Variants in DDX60L observed in about 807,000 individuals in gnomAD.
DDX60L encodes the protein DExD/H-box 60 like, also known as probable ATP-dependent RNA helicase DDX60-like.
DDX60L carries 191 observed loss-of-function variants against 211.6 expected under a neutral mutation model. The ratio of observed to expected loss-of-function variants is 0.90; its 90% CI spans 0.80 to 1.02. The LOEUF is 1.02. Ranked by LOEUF, DDX60L falls within the 50% of genes least tolerant of loss-of-function variation. DDX60L has a pLI of 0.00. For missense variants in DDX60L, 2,007 were observed against 1,984.1 expected, an observed-to-expected ratio of 1.01 and a Z score of -0.22; for synonymous variants, 706 against 694.1, an observed-to-expected ratio of 1.02 and a Z score of -0.27.
At chr4:168,449,539 G>C (rs536243570) in intron 8 of DDX60L, among the ~76,000 whole-genome samples, 145 of 129,498 alleles carry the variant, frequency 1.1e-3, no homozygotes, top group African/African-American at 4.4e-3. Flanking sequence ...TGGGTGCAGC[G>C]CACCAGCATG....
chr4:168,372,861 G>C (rs958571620), intron 35 of DDX60L, among the ~76,000 whole-genome samples: 2 of 152,110 alleles, frequency 1.3e-5, no homozygotes, highest in Non-Finnish European at 2.9e-5. Context: ...GATCATCTGT[G>C]TTCTTTTCTA....
At chr4:168,432,960 A>T in intron 11 of DDX60L, 50 bp downstream of exon 11, 1 of 1,144,366 alleles carries the variant, frequency 8.7e-7, no homozygotes, top group African/African-American at 1.5e-5. Flanking sequence ...TCACTTCACT[A>T]GTATTTTCAA....
At chr4:168,440,739 C>T (rs972812545) in intron 10 of DDX60L, among the ~76,000 whole-genome samples, 2 of 152,174 alleles carry the variant, frequency 1.3e-5, no homozygotes, top group Admixed American at 1.3e-4. Context: ...CTCATTAGTT[C>T]CTCCTTCATA....
At position 168,371,668 on chromosome 4, in the gene DDX60L, T is replaced by A. The variant is rs753995753; in HGVS notation, c.4872A>T (p.Ala1624=). Residue 1624 remains alanine, a synonymous_variant, in exon 36 of 38, where the codon GCA becomes GCT. Transcript: ENST00000682922. ...DNRGRRMPLN[A]YVLNFYKHNC... ...TGTGTTTATAGAAATTGAGCACATA[T>A]GCATTTAGTGGCATTCTCCTTCCTC... is the stretch of plus-strand genomic sequence containing the variant. 3 of 1,600,466 alleles carry A rather than the reference T, an allele frequency of 1.9e-6. No homozygotes were observed. Among genetic ancestry groups the A allele is most frequent in the East Asian group, 4.5e-5 (2 of 44,276 alleles).
At chr4:168,432,236 T>C (rs1054634496) in intron 12 of DDX60L, among the ~76,000 whole-genome samples, 21 of 147,410 alleles carry the variant, frequency 1.4e-4, no homozygotes, top group Non-Finnish European at 2.7e-4. Context: ...AATATATATA[T>C]ATATATTGTG....
intron 36 of DDX60L, among the ~76,000 whole-genome samples, chr4:168,363,809 C>T (rs10005156): frequency 0.091 from 13,892 of 152,120 alleles, 1,999 homozygotes; most frequent in African/African-American, 0.31. Flanking sequence ...ATCTACAAAA[C>T]GACCAGAAAA....
rs201114767 is a variant in DDX60L, at chr4:168,400,999, T to C, written c.3339-21A>G. On this transcript the variant is annotated intron_variant, in intron 25 of 37. Coordinates refer to ENST00000682922, the MANE Select transcript of DDX60L (RefSeq NM_001012967.3). ...TAAACCTTAAAACAAATGAAAACAG[T>C]GCTTTGAAAAGACTATGTTTCTATC... 19 of 1,602,538 alleles carry C rather than the reference T, an allele frequency of 1.2e-5. No homozygotes were observed. In the African/African-American group the frequency reaches 2.0e-4, roughly 17 times the overall value.
chr4:168,359,121 T>C (rs1041271504), intron 37 of DDX60L, among the ~76,000 whole-genome samples: 10 of 152,206 alleles, frequency 6.6e-5, no homozygotes, highest in African/African-American at 1.9e-4. Flanking sequence ...TTGCAATCAA[T>C]TGGGATTTGA....
chr4:168,435,952 A>C (rs1474351961), intron 10 of DDX60L, among the ~76,000 whole-genome samples: 1 of 152,222 alleles, frequency 6.6e-6, no homozygotes, highest in East Asian at 1.9e-4. Context: ...CGGAACAAAA[A>C]TTCAAGGATG....
intron 10 of DDX60L, among the ~76,000 whole-genome samples, chr4:168,438,021 A>G (rs2634949): frequency 0.74 from 112,337 of 151,928 alleles, 42,841 homozygotes; most frequent in East Asian, 0.91. Context: ...TTACAGGCAC[A>G]TGCCACCATG....
In DDX60L at chr4:168,430,549, T is replaced by G; in HGVS notation, c.1606A>C (p.Thr536Pro). ...GTAGTTTGAGTCACAATGACTTTCGTAGAGATTGATTCTAACGATTTCCCA... is the reference window on the plus strand; with the variant it reads ...GTAGTTTGAGTCACAATGACTTTCGGAGAGATTGATTCTAACGATTTCCCA... ...FYGKSLESIS[T>P]KVIVTQTTRP... is the part of the protein sequence containing the mutation. Residue 536 changes from threonine (T) to proline (P), a missense_variant, in exon 13 of 38, where the codon ACG (threonine) becomes CCG (proline). Transcript: ENST00000682922. The G allele has an allele frequency of 6.2e-7, 1 of 1,611,146 alleles. No individual in the cohort carries two copies. Among genetic ancestry groups the G allele is most frequent in the Non-Finnish European group, 8.5e-7 (1 of 1,178,726 alleles).
chr4:168,370,940 A>G (rs988691228), intron 36 of DDX60L, among the ~76,000 whole-genome samples: 12 of 151,896 alleles, frequency 7.9e-5, no homozygotes, highest in Non-Finnish European at 1.6e-4. Context: ...AATGTTTTCC[A>G]TGTCAAAGAA....
intron 19 of DDX60L, 50 bp from the exon 20 acceptor site, chr4:168,416,847 T>TA: frequency 9.6e-7 from 1 of 1,042,554 alleles, no homozygotes. Context: ...AAATCGTAAA[T>TA]AAAAAATAGA....
intron 29 of DDX60L, among the ~76,000 whole-genome samples, chr4:168,387,400 A>C (rs1416275598): frequency 6.6e-6 from 1 of 152,230 alleles, no homozygotes; most frequent in Non-Finnish European, 1.5e-5. Flanking sequence ...GAAAGGAAGA[A>C]GTTTGAATCC....
intron 8 of DDX60L, among the ~76,000 whole-genome samples, chr4:168,449,834 A>G (rs890611479): frequency 6.6e-6 from 1 of 151,588 alleles, no homozygotes; most frequent in Non-Finnish European, 1.5e-5. Flanking sequence ...GAGGTTATAA[A>G]ACCCAGAAGT....
At chr4:168,460,961 T>TG (rs1162531365) in intron 5 of DDX60L, among the ~76,000 whole-genome samples, 1 of 152,196 alleles carries the variant, frequency 6.6e-6, no homozygotes, top group African/African-American at 2.4e-5. Flanking sequence ...ATGGAACAGA[T>TG]GCACAGGGCA....
At chr4:168,386,688 A>C (rs1388580203) in intron 29 of DDX60L, among the ~76,000 whole-genome samples, 1 of 152,018 alleles carries the variant, frequency 6.6e-6, no homozygotes, top group African/African-American at 2.4e-5. Context: ...ATGTTTTTTT[A>C]ATCAAAGTCA....
intron 25 of DDX60L, among the ~76,000 whole-genome samples, chr4:168,403,583 TTTC>T (rs1747212610): frequency 6.6e-6 from 1 of 152,196 alleles, no homozygotes; most frequent in Non-Finnish European, 1.5e-5. Flanking sequence ...TGGGCTTAGT[TTTC>T]TTAGCTATAA....
chr4:168,386,568 T>C (rs542644039), intron 29 of DDX60L, among the ~76,000 whole-genome samples: 4 of 111,972 alleles, frequency 3.6e-5, no homozygotes, highest in Non-Finnish European at 7.7e-5. Context: ...ACTTCTAATA[T>C]GATGTTGAAA....
Sources: allele counts gnomAD v4.1 joint callset (sites outside exome capture counted in the v4.1 genomes callset), GRCh38; gene constraint gnomAD v4.1.1; transcripts MANE v1.5; gene names NCBI Gene and HGNC (gene_info 2026-07-23, HGNC 2026-07-21).